Variants in TRIM37 observed in about 807,000 individuals in gnomAD.
TRIM37 encodes the protein E3 ubiquitin-protein ligase TRIM37.
Under a neutral mutation model 129.8 loss-of-function variants are expected in TRIM37, and 80 were observed. The observed-to-expected ratio is 0.62, with a 90% CI of 0.51 to 0.74. The LOEUF is 0.74. Among genes scored for constraint, TRIM37 ranks in the 30% least tolerant of loss-of-function variants. TRIM37 has a pLI of 0.00. For missense variants in TRIM37, 1,054 were observed against 1,176.5 expected, an observed-to-expected ratio of 0.90 and a Z score of 1.52; for synonymous variants, 389 against 387.1, an observed-to-expected ratio of 1.00 and a Z score of -0.06.
chr17:59,061,561 G>T lies in TRIM37; in HGVS notation c.943-453C>A, dbSNP rs147528392. On this transcript the variant is annotated intron_variant, in intron 11 of 23. Transcript: ENST00000262294. ...ATTTTAATATTAGAATTCCATATAA[G>T]ATTCTGTCTAGAGATTGAGAAGTTG... 9.6e-3 allele frequency among the ~76,000 whole-genome samples: 1,452 copies of T among 152,006 alleles called. 20 individuals carry two copies. The highest frequency in any genetic ancestry group is 0.033 in the African/African-American group (1,355 of 41,478).
chr17:59,105,992 T>A (rs1025877507), intron 1 of TRIM37, among the ~76,000 whole-genome samples: 2 of 152,208 alleles, frequency 1.3e-5, no homozygotes, highest in Non-Finnish European at 2.9e-5. Flanking sequence ...AGATAATATA[T>A]GCTGATTCAA....
At chr17:59,040,620 A>G (rs1284629900) in intron 17 of TRIM37, among the ~76,000 whole-genome samples, 1 of 152,192 alleles carries the variant, frequency 6.6e-6, no homozygotes, top group Non-Finnish European at 1.5e-5. Context: ...CAGCATATAG[A>G]CAGTAACTGA....
At chr17:59,022,134 C>A (rs2036677345) in intron 19 of TRIM37, among the ~76,000 whole-genome samples, 1 of 151,884 alleles carries the variant, frequency 6.6e-6, no homozygotes, top group Admixed American at 6.6e-5. Flanking sequence ...AAAACAAGCA[C>A]AGAATTAGAA....
intron 16 of TRIM37, 150 bp from the exon 17 acceptor site, chr17:59,042,048 T>C (rs893983723): frequency 1.7e-5 from 11 of 660,928 alleles, no homozygotes; most frequent in African/African-American, 3.6e-5. Context: ...ATTTTCCAAA[T>C]TTAAGTAGCG....
chr17:59,041,752 C>T lies in TRIM37; in HGVS notation c.1753+61G>A, dbSNP rs116805392. On this transcript the variant is annotated intron_variant, in intron 17 of 23. Transcript: ENST00000262294. ...GCTACCACCTATTTAAAATATAATACAGTCAGAGAAGAGCAGAGAGAAAAC... is the reference window on the plus strand; with the variant it reads ...GCTACCACCTATTTAAAATATAATATAGTCAGAGAAGAGCAGAGAGAAAAC... 0.017 allele frequency: 20,741 copies of T among 1,234,490 alleles called. 299 individuals carry two copies. The highest frequency in any genetic ancestry group is 0.055 in the Middle Eastern group (295 of 5,350). The allele number at this position is 1,234,490 out of a possible 1,614,324, so 76.5% of individuals were successfully genotyped here.
At chr17:59,065,717 A>G (rs1005128429) in intron 9 of TRIM37, among the ~76,000 whole-genome samples, 27 of 152,350 alleles carry the variant, frequency 1.8e-4, no homozygotes, top group Middle Eastern at 6.8e-3. Flanking sequence ...ACATCTTCAG[A>G]TATATTTTCT....
At chr17:59,075,864 T>C in intron 7 of TRIM37, 150 bp from the exon 8 acceptor site, 1 of 662,382 alleles carries the variant, frequency 1.5e-6, no homozygotes, top group South Asian at 1.7e-5. Flanking sequence ...CTCATTCAAC[T>C]TTAAGAGGCT....
chr17:59,075,545 CAGAG>C, intron 8 of TRIM37, 98 bp downstream of exon 8: 2 of 774,780 alleles, frequency 2.6e-6, no homozygotes, highest in Non-Finnish European at 1.9e-6. Flanking sequence ...GCCTGGGCGA[CAGAG>C]AGAGACTCCA....
At position 59,056,906 on chromosome 17, in the gene TRIM37, A is replaced by G. The variant is rs772697037; in HGVS notation, c.1168T>C (p.Leu390=). The change falls in exon 13 of 24, where the codon TTG becomes CTG. Residue 390 remains leucine (L), a synonymous_variant. Transcript: ENST00000262294. ...ATCACTGTATCATTTTGTGGATTCA[A>G]GTATCCTTCATTTGCGAGTAAGTCC... ...RLDLLANEGY[L]NPQNDTVILR... The G allele has an allele frequency of 2.3e-5, 37 of 1,613,730 alleles. 1 individual carries two copies. The highest frequency in any genetic ancestry group is 1.6e-4 in the South Asian group (15 of 91,064).
At chr17:59,011,581 C>A (rs997345789) in intron 22 of TRIM37, among the ~76,000 whole-genome samples, 1 of 152,150 alleles carries the variant, frequency 6.6e-6, no homozygotes, top group South Asian at 2.1e-4. Context: ...TTCTTTTCTA[C>A]CAATTTATAA....
At chr17:59,082,941 G>C (rs763795504) in intron 5 of TRIM37, among the ~76,000 whole-genome samples, 14 of 152,140 alleles carry the variant, frequency 9.2e-5, no homozygotes, top group Non-Finnish European at 2.1e-4. Flanking sequence ...TCTGAATTGA[G>C]CTCTACTCAA....
chr17:58,992,310 A>T (rs557471320), intron 24 of TRIM37, among the ~76,000 whole-genome samples: 4 of 122,872 alleles, frequency 3.3e-5, no homozygotes, highest in African/African-American at 6.2e-5. Context: ...TATATATATA[A>T]ATACATATGT....
chr17:59,064,747 A>T (rs1373953522), intron 9 of TRIM37, among the ~76,000 whole-genome samples: 1 of 152,172 alleles, frequency 6.6e-6, no homozygotes, highest in African/African-American at 2.4e-5. Context: ...CATCTCTGTT[A>T]AAAATACACA....
chr17:59,104,879 G>A (rs2045850579), intron 1 of TRIM37, among the ~76,000 whole-genome samples: 1 of 152,076 alleles, frequency 6.6e-6, no homozygotes, highest in Non-Finnish European at 1.5e-5. Flanking sequence ...ATCACTCGAG[G>A]TCGGGAGTTC....
At chr17:59,081,964 A>AAAAAT (rs1568200247) in intron 5 of TRIM37, among the ~76,000 whole-genome samples, 6 of 87,180 alleles carry the variant, frequency 6.9e-5, no homozygotes, top group African/African-American at 1.5e-4. Flanking sequence ...AAAAAAAAAA[A>AAAAAT]AATAATAATA....
intron 13 of TRIM37, among the ~76,000 whole-genome samples, chr17:59,052,676 C>T (rs936410773): frequency 4.6e-5 from 7 of 151,932 alleles, no homozygotes; most frequent in South Asian, 2.1e-4. Flanking sequence ...AGAGATTGGC[C>T]GGGCACAGTG....
At chr17:58,990,371 A>T (rs372248625) in intron 24 of TRIM37, among the ~76,000 whole-genome samples, 1 of 151,702 alleles carries the variant, frequency 6.6e-6, no homozygotes, top group Non-Finnish European at 1.5e-5. Flanking sequence ...CACGCCTGTA[A>T]TCCCAGCTAC....
chr17:59,045,186 G>T (rs963659461), intron 16 of TRIM37, among the ~76,000 whole-genome samples: 1 of 152,000 alleles, frequency 6.6e-6, no homozygotes, highest in Non-Finnish European at 1.5e-5. Flanking sequence ...AAAATTAGCC[G>T]GGCAAGGTGG....
chr17:59,055,366 G>T (rs2040752952), intron 13 of TRIM37, among the ~76,000 whole-genome samples: 1 of 145,666 alleles, frequency 6.9e-6, no homozygotes, highest in Non-Finnish European at 1.5e-5. Flanking sequence ...AAAATTGATG[G>T]TTTTCGCAAA....
Sources: gnomAD v4.1 joint callset for allele counts (sites outside exome capture counted in the v4.1 genomes callset) on GRCh38, gnomAD v4.1.1 for gene constraint, MANE v1.5 for transcripts, NCBI Gene and HGNC (gene_info 2026-07-23, HGNC 2026-07-21) for gene names.